Variants in ELP4 observed in about 807,000 individuals in gnomAD.
The protein encoded by ELP4 is elongator acetyltransferase complex subunit 4.
A neutral mutation model predicts 48.9 loss-of-function variants in ELP4; 51 were observed. The observed-to-expected ratio is 1.04, with a 90% confidence interval of 0.83 to 1.32. The LOEUF is 1.32. ELP4 is among the 40% of genes most tolerant of loss of function. ELP4 has a pLI of 0.00. For synonymous variants in ELP4, 210 were observed against 189.2 expected (o/e 1.11, Z -0.90); for missense variants, 519 against 514.6 (o/e 1.01, Z -0.08).
At chr11:31,536,327 A>C (rs1366031948) in intron 2 of ELP4, among the ~76,000 whole-genome samples, 1 of 151,992 alleles carries the variant, frequency 6.6e-6, no homozygotes, top group Non-Finnish European at 1.5e-5. Flanking sequence ...ACTTTTTTGG[A>C]AACTGCCAAA....
intron 4 of ELP4, among the ~76,000 whole-genome samples, chr11:31,597,635 G>A (rs1443201610): frequency 4.6e-5 from 7 of 152,212 alleles, no homozygotes; most frequent in Admixed American, 3.3e-4. Flanking sequence ...ACAGTGGAGC[G>A]ATCTCAGCTC....
chr11:31,584,290 A>G (rs1299694556), intron 3 of ELP4, among the ~76,000 whole-genome samples: 3 of 152,014 alleles, frequency 2.0e-5, no homozygotes, highest in East Asian at 1.9e-4. Flanking sequence ...CTGTGGGGCA[A>G]AGGAAAGGTT....
intron 6 of ELP4, chr11:31,628,569 A>G (rs959184291): frequency 7.9e-5 from 12 of 152,172 alleles, no homozygotes; most frequent in Admixed American, 7.2e-4. Context: ...ACTATTTTCA[A>G]AAAACAATTT....
intron 3 of ELP4, among the ~76,000 whole-genome samples, chr11:31,591,546 T>C (rs1295048930): frequency 3.9e-5 from 6 of 151,962 alleles, no homozygotes; most frequent in African/African-American, 1.5e-4. Context: ...CCAAACCGCA[T>C]TGAGATACCA....
At chr11:31,603,321 T>A (rs1275790870) in intron 4 of ELP4, among the ~76,000 whole-genome samples, 1 of 151,924 alleles carries the variant, frequency 6.6e-6, no homozygotes, top group Non-Finnish European at 1.5e-5. Flanking sequence ...GTAATATATT[T>A]AAATAGCTAG....
intron 9 of ELP4, among the ~76,000 whole-genome samples, chr11:31,678,454 A>C (rs1161450550): frequency 1.3e-5 from 2 of 151,642 alleles, no homozygotes; most frequent in Non-Finnish European, 2.9e-5. Flanking sequence ...CTGTCTCAAA[A>C]TTAATAAATA....
chr11:31,613,716 CTT>C (rs570320794), intron 5 of ELP4, among the ~76,000 whole-genome samples: 19 of 126,322 alleles, frequency 1.5e-4, no homozygotes, highest in Admixed American at 3.2e-4. Flanking sequence ...GAACAAGAGT[CTT>C]TTTTTTTTTT....
intron 1 of ELP4, 52 bp downstream of exon 1, chr11:31,510,059 G>C (rs891384570): frequency 6.4e-7 from 1 of 1,553,824 alleles, no homozygotes; most frequent in Non-Finnish European, 8.8e-7. Context: ...TTAGGGAGGG[G>C]ACCTGTCGGG....
intron 9 of ELP4, among the ~76,000 whole-genome samples, chr11:31,670,284 G>C (rs1374477699): frequency 2.0e-5 from 3 of 152,132 alleles, no homozygotes; most frequent in Non-Finnish European, 4.4e-5. Flanking sequence ...AAATTGAGGG[G>C]AGGTGCCAAG....
At chr11:31,581,515 A>G (rs1042136140) in intron 3 of ELP4, among the ~76,000 whole-genome samples, 4 of 150,528 alleles carry the variant, frequency 2.7e-5, no homozygotes, top group South Asian at 4.2e-4. Flanking sequence ...TTGCTGTTAT[A>G]AAGTTTGATG....
intron 7 of ELP4, among the ~76,000 whole-genome samples, chr11:31,640,092 C>T (rs1945060558): frequency 1.3e-5 from 2 of 151,740 alleles, no homozygotes; most frequent in South Asian, 2.1e-4. Context: ...GTTCTGGGAG[C>T]AGAAGGGGGT....
At chr11:31,623,513 T>A (rs1015802557) in intron 5 of ELP4, among the ~76,000 whole-genome samples, 16 of 149,570 alleles carry the variant, frequency 1.1e-4, no homozygotes, top group African/African-American at 3.9e-4. Context: ...AAAATTAATA[T>A]TCACAATTGA....
chr11:31,527,391 C>T (rs933920016), intron 2 of ELP4, among the ~76,000 whole-genome samples: 5 of 151,996 alleles, frequency 3.3e-5, no homozygotes, highest in Non-Finnish European at 5.9e-5. Context: ...ATTTAACCCC[C>T]TATTCAACAT....
intron 9 of ELP4, among the ~76,000 whole-genome samples, chr11:31,733,783 C>T (rs1947246145): frequency 6.6e-6 from 1 of 152,008 alleles, no homozygotes; most frequent in Non-Finnish European, 1.5e-5. Flanking sequence ...TTCTACCAAA[C>T]GTTTAAAAAA....
chr11:31,564,862 C>T (rs1184119483), intron 3 of ELP4, among the ~76,000 whole-genome samples: 1 of 152,144 alleles, frequency 6.6e-6, no homozygotes, highest in Non-Finnish European at 1.5e-5. Context: ...TTTATAGCAG[C>T]ATGATTTATA....
chr11:31,517,004 C>T (rs1039805226), intron 1 of ELP4, among the ~76,000 whole-genome samples: 1 of 151,936 alleles, frequency 6.6e-6, no homozygotes, highest in Non-Finnish European at 1.5e-5. Context: ...TATTTCCTTC[C>T]CTAAGAGTTT....
chr11:31,533,403 A>G (rs1164913937), intron 2 of ELP4, among the ~76,000 whole-genome samples: 1 of 57,768 alleles, frequency 1.7e-5, no homozygotes, highest in Non-Finnish European at 2.9e-5. Context: ...TTTGTGACAG[A>G]GTCTCGCTCT....
chr11:31,515,033 G>GTGTGTGTATATA (rs1263600301), intron 1 of ELP4, among the ~76,000 whole-genome samples: 2 of 133,968 alleles, frequency 1.5e-5, no homozygotes, highest in African/African-American at 5.6e-5. Context: ...GTGTGTGTGT[G>GTGTGTGTATATA]TATATATATA....
chr11:31,722,215 A>G (rs1296952401), intron 9 of ELP4, among the ~76,000 whole-genome samples: 1 of 152,168 alleles, frequency 6.6e-6, no homozygotes, highest in Non-Finnish European at 1.5e-5. Flanking sequence ...AACTCTTAAT[A>G]TATTATTTTT....
Sources: gnomAD v4.1 joint callset for allele counts (sites outside exome capture counted in the v4.1 genomes callset) on GRCh38, gnomAD v4.1.1 for gene constraint, MANE v1.5 for transcripts, NCBI Gene and HGNC (gene_info 2026-07-23, HGNC 2026-07-21) for gene names.